The following PIAS2 variants were observed in gnomAD, a reference collection of about 807,000 sequenced individuals.
The protein encoded by PIAS2 is protein inhibitor of activated STAT 2, also known as E3 SUMO-protein ligase PIAS2.
A neutral mutation model predicts 69.7 loss-of-function variants in PIAS2; 19 were observed. The ratio of observed to expected loss-of-function variants is 0.27; its 90% CI spans 0.19 to 0.40. The LOEUF (loss-of-function observed/expected upper bound fraction) is 0.40, where lower values mean the gene tolerates loss of function less well. Among genes scored for constraint, PIAS2 ranks in the 10% least tolerant of loss-of-function variants. The pLI is 1.00. For missense variants in PIAS2, 624 were observed against 757.0 expected (o/e 0.82, Z 2.06); for synonymous variants, 261 against 263.2 (o/e 0.99, Z 0.08).
At chr18:46,917,217 A>C in intron 1 of PIAS2, 105 bp downstream of exon 1, 1 of 1,348,562 alleles carries the variant, frequency 7.4e-7, no homozygotes, top group Non-Finnish European at 9.8e-7. Context: ...GGGCTCCGCC[A>C]ACCGGCCCCA....
chr18:46,812,117 T>G lies in PIAS2; in HGVS notation c.*316A>C, dbSNP rs2041040716. ...TTACATAATTTTATTGCTCTTTATT[T>G]TAACAAAAACTTTTTTCACTGATTT... is the stretch of plus-strand genomic sequence containing the variant. On this transcript the variant is annotated 3_prime_UTR_variant, in exon 14 of 14. Coordinates refer to ENST00000585916, the MANE Select transcript of PIAS2 (RefSeq NM_004671.5). 5.5e-6 allele frequency: 1 copy of G among 183,040 alleles called. No individual in the cohort carries two copies. The highest frequency in any genetic ancestry group is 2.3e-5 in the African/African-American group (1 of 42,710). The allele number at this position is 183,040 out of a possible 1,614,324, so 11.3% of individuals were successfully genotyped here.
At chr18:46,837,466 T>A (rs1490527657) in intron 8 of PIAS2, among the ~76,000 whole-genome samples, 3 of 152,190 alleles carry the variant, frequency 2.0e-5, no homozygotes, top group African/African-American at 7.2e-5. Context: ...GTTATCTATT[T>A]ATAGGCACTC....
chr18:46,821,960 C>CAACTACA (rs2042225775), intron 11 of PIAS2, among the ~76,000 whole-genome samples: 1 of 152,068 alleles, frequency 6.6e-6, no homozygotes, highest in Non-Finnish European at 1.5e-5. Flanking sequence ...CCAGGGTAAA[C>CAACTACA]AACTACAACT....
chr18:46,857,886 T>C (rs980992050), intron 3 of PIAS2, among the ~76,000 whole-genome samples: 1 of 152,134 alleles, frequency 6.6e-6, no homozygotes, highest in African/African-American at 2.4e-5. Context: ...TGTAATGGGT[T>C]GTGAGGTGAT....
intron 1 of PIAS2, among the ~76,000 whole-genome samples, chr18:46,897,578 A>G (rs1168092049): frequency 6.6e-6 from 1 of 152,208 alleles, no homozygotes; most frequent in Admixed American, 6.5e-5. Flanking sequence ...TTATTCTGAC[A>G]ACTGATAGAG....
intron 3 of PIAS2, 64 bp from the exon 4 acceptor site, chr18:46,855,679 C>G: frequency 8.0e-7 from 1 of 1,249,118 alleles, no homozygotes; most frequent in Admixed American, 1.8e-5. Context: ...ACAGTCTCCC[C>G]AGGAGGAAAA....
intron 2 of PIAS2, among the ~76,000 whole-genome samples, chr18:46,881,041 C>G (rs1450733470): frequency 1.3e-5 from 2 of 152,108 alleles, no homozygotes; most frequent in African/African-American, 4.8e-5. Context: ...TTAATAATCA[C>G]CAGTGATGCT....
chr18:46,843,881 C>T, intron 8 of PIAS2, 173 bp downstream of exon 8: 2 of 450,120 alleles, frequency 4.4e-6, no homozygotes. Flanking sequence ...GTATTCTTTG[C>T]ATGCCCAAAT....
At chr18:46,837,142 T>C (rs1057380022) in intron 8 of PIAS2, among the ~76,000 whole-genome samples, 1 of 152,184 alleles carries the variant, frequency 6.6e-6, no homozygotes, top group Non-Finnish European at 1.5e-5. Flanking sequence ...GTATAACTTT[T>C]GGATGGAAAG....
chr18:46,899,368 T>C (rs2055419540), intron 1 of PIAS2, among the ~76,000 whole-genome samples: 1 of 152,188 alleles, frequency 6.6e-6, no homozygotes, highest in African/African-American at 2.4e-5. Context: ...AGGCATTCCA[T>C]AGCAAATGCA....
At chr18:46,879,182 A>G (rs1212028569) in intron 2 of PIAS2, among the ~76,000 whole-genome samples, 5 of 152,220 alleles carry the variant, frequency 3.3e-5, no homozygotes, top group Non-Finnish European at 7.3e-5. Context: ...AAAAGGGAGT[A>G]GGGTAGGAGC....
intron 12 of PIAS2, chr18:46,815,988 G>C: frequency 1.0e-6 from 1 of 985,254 alleles, no homozygotes; most frequent in Non-Finnish European, 1.2e-6. Context: ...ATGTGTAAAA[G>C]GTTGTCCAGT....
At chr18:46,817,689 A>AT in intron 12 of PIAS2, 1 of 949,928 alleles carries the variant, frequency 1.1e-6, no homozygotes, top group Non-Finnish European at 1.3e-6. Context: ...TTTACCAAGC[A>AT]TTACAAGGGT....
intron 1 of PIAS2, among the ~76,000 whole-genome samples, chr18:46,905,578 T>C (rs998101288): frequency 6.6e-6 from 1 of 151,734 alleles, no homozygotes; most frequent in Non-Finnish European, 1.5e-5. Context: ...TGGCAAACTT[T>C]TAGCCAAAAA....
chr18:46,822,474 A>C (rs2144822464), intron 11 of PIAS2, among the ~76,000 whole-genome samples: 1 of 152,342 alleles, frequency 6.6e-6, no homozygotes, highest in East Asian at 1.9e-4. Flanking sequence ...ACATGTCTGT[A>C]GGTTAGAATC....
At chr18:46,826,292 C>T (rs1389323405) in intron 11 of PIAS2, among the ~76,000 whole-genome samples, 2 of 152,142 alleles carry the variant, frequency 1.3e-5, no homozygotes, top group African/African-American at 2.4e-5. Context: ...CAGATTTTGT[C>T]GCCCACTGTG....
intron 1 of PIAS2, among the ~76,000 whole-genome samples, chr18:46,913,522 A>C (rs1354567301): frequency 4.6e-5 from 7 of 151,882 alleles, no homozygotes; most frequent in African/African-American, 1.7e-4. Flanking sequence ...TTCTCAATGC[A>C]TGAAAAGAAG....
chr18:46,919,807 C>T (rs1249796419), upstream of PIAS2, among the ~76,000 whole-genome samples: 1 of 152,148 alleles, frequency 6.6e-6, no homozygotes, highest in Non-Finnish European at 1.5e-5. Flanking sequence ...TGTCTCTCCA[C>T]CATTAACTTT....
At chr18:46,918,201 G>GC (rs770321376), upstream of PIAS2, among the ~76,000 whole-genome samples, 15 of 152,028 alleles carry the variant, frequency 9.9e-5, no homozygotes, top group East Asian at 5.8e-4. Flanking sequence ...AAGCTTGATG[G>GC]CCCCCCCGTA....
Sources: allele counts gnomAD v4.1 joint callset (sites outside exome capture counted in the v4.1 genomes callset), GRCh38; gene constraint gnomAD v4.1.1; transcripts MANE v1.5; gene names NCBI Gene and HGNC (gene_info 2026-07-23, HGNC 2026-07-21).